Variants in FRYL observed in about 807,000 individuals in gnomAD.
FRYL encodes the protein protein furry homolog-like.
A neutral mutation model predicts 351.2 loss-of-function variants in FRYL; 150 were observed. The ratio of observed to expected loss-of-function variants is 0.43; its 90% CI spans 0.37 to 0.49. The LOEUF (loss-of-function observed/expected upper bound fraction) is 0.49. FRYL is among the 20% of genes least tolerant of loss of function. The pLI is 0.00. For synonymous variants in FRYL, 1,153 were observed against 1,257.1 expected (o/e 0.92, Z 1.75); for missense variants, 3,036 against 3,619.3 (o/e 0.84, Z 4.13).
chr4:48,550,397 G>A (rs1241915894), intron 38 of FRYL, 195 bp downstream of exon 38: 12 of 546,024 alleles, frequency 2.2e-5, no homozygotes. Flanking sequence ...GGAAACCAGT[G>A]CTTTAAAAAA....
chr4:48,600,129 A>T (rs1241297470), intron 13 of FRYL, among the ~76,000 whole-genome samples: 1 of 152,094 alleles, frequency 6.6e-6, no homozygotes, highest in Non-Finnish European at 1.5e-5. Flanking sequence ...GTATAGGTCT[A>T]ATAAAAGGAA....
chr4:48,680,187 T>C (rs1416909659), intron 3 of FRYL, among the ~76,000 whole-genome samples: 1 of 151,888 alleles, frequency 6.6e-6, no homozygotes, highest in East Asian at 1.9e-4. Context: ...TTGCAGAGGG[T>C]TTACAGAAAC....
intron 54 of FRYL, 89 bp downstream of exon 54, chr4:48,522,812 C>T (rs1725199234): frequency 1.1e-6 from 1 of 940,848 alleles, no homozygotes; most frequent in Non-Finnish European, 1.8e-6. Context: ...GTGTGCATTT[C>T]ACCCATGCAC....
intron 10 of FRYL, 154 bp from the exon 11 acceptor site, chr4:48,605,987 G>C: frequency 1.8e-6 from 1 of 559,800 alleles, no homozygotes; most frequent in Admixed American, 3.6e-5. Flanking sequence ...TGGGTGCGGT[G>C]GCTCACACCT....
intron 18 of FRYL, among the ~76,000 whole-genome samples, chr4:48,587,908 T>A (rs913983116): frequency 6.6e-6 from 1 of 152,204 alleles, no homozygotes. Context: ...CAGTCCTCTT[T>A]TTACATGGTT....
At chr4:48,660,065 T>C (rs919316362) in intron 3 of FRYL, among the ~76,000 whole-genome samples, 10 of 151,608 alleles carry the variant, frequency 6.6e-5, no homozygotes, top group African/African-American at 2.2e-4. Context: ...GCCTGGAGCA[T>C]CTTGGAGTAT....
chr4:48,714,830 T>G (rs1480638484), intron 1 of FRYL, among the ~76,000 whole-genome samples: 49 of 145,928 alleles, frequency 3.4e-4, no homozygotes, highest in African/African-American at 7.4e-4. Context: ...AAAAGAGAAT[T>G]TTAGACCAAT....
rs1226492542 is a variant in FRYL, at chr4:48,671,858, C to CAAAAAAAAAA, written c.-81+12805_-81+12814dup. ...AGAGAGAGAGACTCCGTCTCAAAAA[C>CAAAAAAAAAA]AAAAAAAAAAAAAACAAAAAAAAAA... is the stretch of plus-strand genomic sequence containing the variant. On this transcript the variant is annotated intron_variant, in intron 3 of 63. Transcript: ENST00000358350. Among the ~76,000 whole-genome samples the CAAAAAAAAAA allele has an allele frequency of 1.2e-3, 26 of 22,386 alleles. 4 individuals are homozygous for CAAAAAAAAAA. Among genetic ancestry groups the CAAAAAAAAAA allele is most frequent in the East Asian group, 1.9e-3 (1 of 516 alleles). The allele number at this position is 22,386 out of a possible 152,430, so 14.7% of individuals were successfully genotyped here.
intron 1 of FRYL, among the ~76,000 whole-genome samples, chr4:48,779,232 G>A (rs1776362324): frequency 6.6e-6 from 1 of 152,204 alleles, no homozygotes; most frequent in Non-Finnish European, 1.5e-5. Flanking sequence ...CCATCAAACG[G>A]CAAATAAAAG....
intron 26 of FRYL, among the ~76,000 whole-genome samples, chr4:48,571,230 C>A (rs1275387633): frequency 1.3e-5 from 2 of 152,106 alleles, no homozygotes; most frequent in East Asian, 3.9e-4. Context: ...AAACTGTTAT[C>A]ATGGAATTAT....
At position 48,731,102 on chromosome 4, in the gene FRYL, CA is replaced by C. The variant is rs1454837743; in HGVS notation, c.-383-20405del. ...TCTGATAAAACAGACTTTAAACCAACAAAGACCAAAAGAAACAAAGAAGGCC... is the reference window on the plus strand; with the variant it reads ...TCTGATAAAACAGACTTTAAACCAACAAGACCAAAAGAAACAAAGAAGGCC... On this transcript the variant is annotated intron_variant, in intron 1 of 63. Coordinates refer to ENST00000358350, the MANE Select transcript of FRYL (RefSeq NM_015030.2). Among the ~76,000 whole-genome samples the C allele has an allele frequency of 5.3e-5, 8 of 151,492 alleles. No individual in the cohort carries two copies. The East Asian group carries it at 1.6e-3, about 29-fold the overall frequency.
intron 1 of FRYL, among the ~76,000 whole-genome samples, chr4:48,712,052 C>T (rs1392961494): frequency 6.6e-6 from 1 of 152,052 alleles, no homozygotes; most frequent in Non-Finnish European, 1.5e-5. Context: ...GACATCCACA[C>T]CAAAAACCCA....
chr4:48,530,190 C>G (rs1727234144), intron 50 of FRYL, among the ~76,000 whole-genome samples: 1 of 152,160 alleles, frequency 6.6e-6, no homozygotes, highest in Non-Finnish European at 1.5e-5. Flanking sequence ...GCTGTAAGAT[C>G]TGTTCCTGCA....
Position 48,512,635 on chromosome 4 carries a change from G to A in FRYL, c.7991C>T (p.Pro2664Leu), listed in dbSNP as rs370306215. 1.2e-5 allele frequency: 19 copies of A among 1,613,864 alleles called. No homozygotes were observed. Among genetic ancestry groups the A allele is most frequent in the African/African-American group, 1.1e-4 (8 of 74,920 alleles). The stretch of plus-strand genomic sequence containing the variant: ...TATGATGGCAGAAAGAAATGGTGAC[G>A]GCAGAGGCGACGTCTGTACTTCTGG... Reference protein sequence around the residue: ...GFPEVQTSPLPSPFLSAIIAA... With the variant: ...GFPEVQTSPLLSPFLSAIIAA... The change falls in exon 57 of 64, where the codon CCG becomes CTG. Residue 2664 changes from proline to leucine, a missense_variant. Physicochemically the swap from Pro to Leu is moderately conservative, Grantham distance 98. Transcript: ENST00000358350.
intron 60 of FRYL, 114 bp downstream of exon 60, chr4:48,505,433 G>T: frequency 2.9e-6 from 2 of 698,586 alleles, no homozygotes; most frequent in Non-Finnish European, 2.5e-6. Flanking sequence ...AAAATGAAAA[G>T]TTTTACAAAT....
intron 1 of FRYL, among the ~76,000 whole-genome samples, chr4:48,779,729 A>C (rs1246527414): frequency 2.0e-5 from 3 of 151,242 alleles, no homozygotes; most frequent in African/African-American, 4.8e-5. Context: ...CGCGAGGGGT[A>C]CCCGGGCGCG....
In FRYL at chr4:48,551,529, A is replaced by C. The variant is rs556090677; in HGVS notation, c.4485T>G (p.Pro1495=). Residue 1495 remains proline (P), a synonymous_variant, in exon 37 of 64, where the codon CCT becomes CCG. Coordinates refer to ENST00000358350, the MANE Select transcript of FRYL (RefSeq NM_015030.2). ...TATTCTCTTTAATGGGCTTATTATC[A>C]GGATTGCCATCTGTGGGAGCTACCA... ...NTMVAPTDGN[P]DNKPIKENIE... The C allele has an allele frequency of 1.4e-4, 222 of 1,611,738 alleles. 3 individuals carry two copies. The South Asian group carries it at 2.3e-3, about 17-fold the overall frequency.
rs1385022250 is a variant in FRYL at position 48,497,548 on chromosome 4, TTAAAATACAAC to T, written c.*1863_*1873del. On this transcript the variant is annotated 3_prime_UTR_variant, in exon 64 of 64. Coordinates refer to ENST00000358350, the MANE Select transcript of FRYL (RefSeq NM_015030.2). ...GCACACTGTAATCATTCATTCTTTG[TTAAAATACAAC>T]ACAAACCAACAGCTACAATGCTTTT... 15 of 152,646 alleles carry T rather than the reference TTAAAATACAAC, an allele frequency of 9.8e-5. No individual in the cohort carries two copies. Among genetic ancestry groups the T allele is most frequent in the African/African-American group, 3.6e-4 (15 of 41,450 alleles). 9.5% of individuals were successfully genotyped at this position (152,646 alleles called of 1,614,324 possible).
At position 48,544,062 on chromosome 4, in the gene FRYL, A is replaced by T. The variant is rs1209996371; in HGVS notation, c.5402-65T>A. The T allele has an allele frequency of 3.6e-6, 5 of 1,377,162 alleles. No individual in the cohort carries two copies. In the Admixed American group the frequency reaches 9.3e-5, roughly 26 times the overall value. 85.3% of individuals were successfully genotyped at this position (1,377,162 alleles called of 1,614,324 possible). ...TTAGAATACTAATGGGGTTATAATC[A>T]GAAGTGAATCATCTTAAAGCTAGCA... is the stretch of plus-strand genomic sequence containing the variant. On this transcript the variant is annotated intron_variant, in intron 43 of 63. Coordinates refer to ENST00000358350, the MANE Select transcript of FRYL (RefSeq NM_015030.2).
Sources: gnomAD v4.1 joint callset for allele counts (sites outside exome capture counted in the v4.1 genomes callset) on GRCh38, gnomAD v4.1.1 for gene constraint, MANE v1.5 for transcripts, NCBI Gene and HGNC (gene_info 2026-07-23, HGNC 2026-07-21) for gene names.